The following CCNH variants were observed in gnomAD, a reference collection of about 807,000 sequenced individuals.
CCNH encodes the protein cyclin-H.
In CCNH, 31 loss-of-function variants were observed where a neutral mutation model predicts 41.9. The ratio of observed to expected loss-of-function variants is 0.74; its 90% CI spans 0.56 to 1.00. CCNH has a LOEUF of 1.00. CCNH is among the 50% of genes least tolerant of loss of function. The pLI is 0.00. For missense variants in CCNH, 362 were observed against 388.4 expected (o/e 0.93, Z 0.57); for synonymous variants, 138 against 136.1 (o/e 1.01, Z -0.10).
At position 87,352,665 on chromosome 5, in the gene CCNH, T is replaced by C. The variant is rs887890109; in HGVS notation, c.*91-33768A>G. 2.6e-5 allele frequency among the ~76,000 whole-genome samples: 4 copies of C among 151,844 alleles called. 1 individual carries two copies. Among genetic ancestry groups the C allele is most frequent in the Non-Finnish European group, 5.9e-5 (4 of 67,844 alleles). On this transcript the variant is annotated intron_variant and NMD_transcript_variant, in intron 9 of 9. Coordinates refer to the CCNH transcript ENST00000645953. ...ATGTAAGATTAGCTGGGGGTTTTTTTCTTCTTTTTGCCTGCTTTTCATGTG... is the reference window on the plus strand; with the variant it reads ...ATGTAAGATTAGCTGGGGGTTTTTTCCTTCTTTTTGCCTGCTTTTCATGTG...
At chr5:87,314,645 G>A (rs758919939), downstream of CCNH, among the ~76,000 whole-genome samples, 7 of 152,122 alleles carry the variant, frequency 4.6e-5, no homozygotes, top group Non-Finnish European at 1.0e-4. Flanking sequence ...CATAGCTTGG[G>A]TATCTGGATT....
intron 8 of CCNH, 49 bp downstream of exon 8, chr5:87,394,995 G>C: frequency 6.2e-7 from 1 of 1,612,076 alleles, no homozygotes; most frequent in Non-Finnish European, 8.5e-7. Context: ...AGTCACACCA[G>C]AATGTATAAC....
At chr5:87,374,266 A>G, downstream of CCNH, 1 of 1,604,320 alleles carries the variant, frequency 6.2e-7, no homozygotes. Context: ...CAAGTAGCAA[A>G]AACTCATGCA....
upstream of CCNH, chr5:87,379,639 T>C (rs1032639555): frequency 3.3e-6 from 5 of 1,501,754 alleles, no homozygotes; most frequent in African/African-American, 1.4e-5. Flanking sequence ...TACCGAAAAA[T>C]AGACAACCTC....
intron 7 of CCNH, among the ~76,000 whole-genome samples, chr5:87,397,357 G>C (rs565074766): frequency 6.6e-6 from 1 of 151,794 alleles, no homozygotes; most frequent in East Asian, 1.9e-4. Context: ...ACGGGGTTTC[G>C]CCATGTTGGC....
At chr5:87,354,520 T>A (rs1302547252) in intron 9 of CCNH, among the ~76,000 whole-genome samples, 2 of 152,198 alleles carry the variant, frequency 1.3e-5, no homozygotes, top group Non-Finnish European at 2.9e-5. Context: ...GTGTATGTTC[T>A]GACTGCTTCA....
intron 3 of CCNH, among the ~76,000 whole-genome samples, chr5:87,408,522 A>G (rs1438718059): frequency 6.6e-6 from 1 of 152,202 alleles, no homozygotes; most frequent in Non-Finnish European, 1.5e-5. Context: ...TATAATGTAG[A>G]TGGAAGAGTT....
At chr5:87,337,906 T>C in intron 9 of CCNH, 1 of 1,457,606 alleles carries the variant, frequency 6.9e-7, no homozygotes, top group Non-Finnish European at 9.3e-7. Flanking sequence ...TATTTTGTGG[T>C]ATATGACTAT....
At chr5:87,316,713 A>T (rs1394325427), downstream of CCNH, among the ~76,000 whole-genome samples, 6 of 152,128 alleles carry the variant, frequency 3.9e-5, no homozygotes. Flanking sequence ...CTGCACATAA[A>T]CTGTCAAAGC....
intron 9 of CCNH, among the ~76,000 whole-genome samples, chr5:87,350,970 CT>C (rs1759221712): frequency 6.6e-6 from 1 of 151,304 alleles, no homozygotes; most frequent in African/African-American, 2.4e-5. Context: ...GAAATAATTC[CT>C]AGGAAGATAA....
intron 9 of CCNH, among the ~76,000 whole-genome samples, chr5:87,337,728 G>A (rs1758075798): frequency 6.6e-6 from 1 of 151,994 alleles, no homozygotes; most frequent in Admixed American, 6.6e-5. Flanking sequence ...CAGTGATATA[G>A]TTAGTGCAGA....
chr5:87,353,297 A>G, intron 9 of CCNH: 1 of 1,305,924 alleles, frequency 7.7e-7, no homozygotes, highest in Non-Finnish European at 1.1e-6. Flanking sequence ...TTTTGGTGGT[A>G]TGTTTTTGCA....
intron 9 of CCNH, among the ~76,000 whole-genome samples, chr5:87,338,441 C>T (rs1370819519): frequency 1.4e-5 from 2 of 146,608 alleles, no homozygotes; most frequent in African/African-American, 5.0e-5. Context: ...AAGCATTTCT[C>T]GTGCCTCAGC....
chr5:87,408,208 C>T (rs755121175), intron 3 of CCNH, 22 bp from the exon 4 acceptor site: 1 of 1,289,254 alleles, frequency 7.8e-7, no homozygotes, highest in Non-Finnish European at 1.1e-6. Flanking sequence ...AATAAGGAGG[C>T]AGGAGGCAGG....
At chr5:87,380,068 T>G (rs1055694808), upstream of CCNH, among the ~76,000 whole-genome samples, 1 of 152,186 alleles carries the variant, frequency 6.6e-6, no homozygotes, top group Non-Finnish European at 1.5e-5. Flanking sequence ...GTTTGTACTG[T>G]AGTAGCTTGG....
chr5:87,335,323 T>C (rs1757884631), intron 9 of CCNH, among the ~76,000 whole-genome samples: 1 of 152,136 alleles, frequency 6.6e-6, no homozygotes, highest in Non-Finnish European at 1.5e-5. Flanking sequence ...GAGTAAAAAT[T>C]TGAATTTTAG....
chr5:87,380,424 AT>A (rs1172177023), upstream of CCNH: 10 of 1,207,702 alleles, frequency 8.3e-6, no homozygotes, highest in African/African-American at 1.5e-4. Flanking sequence ...ACTGTGGTAT[AT>A]TTGGGTAAAT....
chr5:87,408,162 G>C lies in CCNH; in HGVS notation c.339C>G (p.Cys113Trp), dbSNP rs1449982012. The C allele has an allele frequency of 1.3e-6, 2 of 1,599,336 alleles. No individual in the cohort carries two copies. The highest frequency in any genetic ancestry group is 4.5e-5 in the East Asian group (2 of 44,456). Reference sequence around the variant, plus strand: ...TAGATACATTGAATTCATCTACTTTGCAGGCCAAAAATGCACAAGTGAGCC... The same window carrying C: ...TAGATACATTGAATTCATCTACTTTCCAGGCCAAAAATGCACAAGTGAGCC... ...IIMLTCAFLA[C>W]KVDEFNVSSP... Residue 113 changes from cysteine to tryptophan, a missense_variant, in exon 4 of 9, where the codon TGC becomes TGG. Physicochemically the swap from Cys to Trp is radical, Grantham distance 215. Coordinates refer to ENST00000256897, the MANE Select transcript of CCNH (RefSeq NM_001239.4).
rs566789636 is a variant in CCNH at position 87,348,256 on chromosome 5, A to G, written c.*91-29359T>C. Among the ~76,000 whole-genome samples the G allele has an allele frequency of 8.5e-5, 13 of 152,154 alleles. 1 individual carries two copies. Among genetic ancestry groups the G allele is most frequent in the African/African-American group, 3.1e-4 (13 of 41,546 alleles). On this transcript the variant is annotated intron_variant and NMD_transcript_variant, in intron 9 of 9. Coordinates refer to the CCNH transcript ENST00000645953. ...TTTTTACTGAACATGAAGTTACTTCATAAGTGCCTTGATTGGATGATTGGA... is the reference window on the plus strand; with the variant it reads ...TTTTTACTGAACATGAAGTTACTTCGTAAGTGCCTTGATTGGATGATTGGA...
Sources: gnomAD v4.1 joint callset for allele counts (sites outside exome capture counted in the v4.1 genomes callset) on GRCh38, gnomAD v4.1.1 for gene constraint, MANE v1.5 for transcripts, NCBI Gene and HGNC (gene_info 2026-07-23, HGNC 2026-07-21) for gene names.